The following MCOLN2 variants were observed in gnomAD, a reference collection of about 807,000 sequenced individuals.
MCOLN2 encodes the protein mucolipin TRP cation channel 2.
In MCOLN2, 57 loss-of-function variants were observed where a neutral mutation model predicts 67.5. The ratio of observed to expected loss-of-function variants is 0.84; its 90% CI spans 0.68 to 1.05. The LOEUF (loss-of-function observed/expected upper bound fraction) is 1.05. MCOLN2 is among the 50% of genes least tolerant of loss of function. The pLI is 0.00. For synonymous variants in MCOLN2, 246 were observed against 233.3 expected (o/e 1.05, Z -0.50); for missense variants, 620 against 678.8 (o/e 0.91, Z 0.96).
Position 84,956,426 on chromosome 1 carries a change from A to G in MCOLN2, c.565+5T>C. ...AGGTACATCATGAAATTATCACTGC[A>G]TTACCGAGCTCAACGTCGTTGTCAA... On this transcript the variant is annotated splice_donor_5th_base_variant and intron_variant, in intron 4 of 13. Coordinates refer to ENST00000370608, the MANE Select transcript of MCOLN2 (RefSeq NM_153259.4). The G allele has an allele frequency of 6.2e-7, 1 of 1,610,244 alleles. No individual in the cohort carries two copies. Among genetic ancestry groups the G allele is most frequent in the Non-Finnish European group, 8.5e-7 (1 of 1,178,902 alleles).
chr1:84,987,673 T>C (rs1650685665), intron 1 of MCOLN2, among the ~76,000 whole-genome samples: 1 of 146,594 alleles, frequency 6.8e-6, no homozygotes, highest in South Asian at 2.1e-4. Flanking sequence ...TATATATGTA[T>C]ATAGATATAT....
intron 1 of MCOLN2, among the ~76,000 whole-genome samples, chr1:84,978,314 A>G (rs1279058806): frequency 6.6e-6 from 1 of 152,040 alleles, no homozygotes; most frequent in Non-Finnish European, 1.5e-5. Context: ...CAATCTAATG[A>G]TACATCTTAT....
intron 1 of MCOLN2, among the ~76,000 whole-genome samples, chr1:84,977,027 AACT>A (rs1340127233): frequency 2.0e-5 from 3 of 152,220 alleles, no homozygotes; most frequent in Non-Finnish European, 4.4e-5. Context: ...AAAAAATAAT[AACT>A]ACAACAACTT....
At chr1:84,930,269 T>TAAA (rs560944691) in intron 12 of MCOLN2, among the ~76,000 whole-genome samples, 1 of 143,928 alleles carries the variant, frequency 6.9e-6, no homozygotes, top group African/African-American at 2.5e-5. Context: ...TCTCTTTTTT[T>TAAA]AAAAAAAAAA....
At chr1:84,991,864 A>G (rs751496176) in intron 1 of MCOLN2, among the ~76,000 whole-genome samples, 3 of 152,186 alleles carry the variant, frequency 2.0e-5, no homozygotes, top group African/African-American at 7.2e-5. Context: ...GGGAAACTCC[A>G]TTTCTCAGCA....
At chr1:84,953,419 G>A (rs375836576) in intron 4 of MCOLN2, among the ~76,000 whole-genome samples, 73 of 152,058 alleles carry the variant, frequency 4.8e-4, no homozygotes, top group African/African-American at 1.5e-3. Flanking sequence ...GCGTGGTGGC[G>A]TGCGCCTGTA....
intron 1 of MCOLN2, among the ~76,000 whole-genome samples, chr1:84,994,526 AT>A (rs1343088018): frequency 6.6e-6 from 1 of 152,198 alleles, no homozygotes; most frequent in Non-Finnish European, 1.5e-5. Flanking sequence ...TTGCACTTAC[AT>A]GTTATAGAGA....
chr1:84,987,610 C>A (rs12125153), intron 1 of MCOLN2, among the ~76,000 whole-genome samples: 35 of 82,730 alleles, frequency 4.2e-4, no homozygotes, highest in African/African-American at 8.7e-4. Context: ...AGATGTATAT[C>A]AATCTATATA....
chr1:84,953,876 C>A (rs1208622690), intron 4 of MCOLN2, among the ~76,000 whole-genome samples: 1 of 152,168 alleles, frequency 6.6e-6, no homozygotes, highest in East Asian at 1.9e-4. Context: ...GGTATGAAAC[C>A]AGCATGGGTG....
intron 12 of MCOLN2, among the ~76,000 whole-genome samples, chr1:84,930,585 C>G (rs886773620): frequency 6.6e-6 from 1 of 152,154 alleles, no homozygotes; most frequent in South Asian, 2.1e-4. Context: ...CATGCAAACC[C>G]TGATGCGAGA....
intron 11 of MCOLN2, among the ~76,000 whole-genome samples, chr1:84,935,421 A>C (rs563668973): frequency 6.6e-6 from 1 of 152,284 alleles, no homozygotes; most frequent in South Asian, 2.1e-4. Context: ...CATTAAGTGA[A>C]AGACATAAGT....
intron 11 of MCOLN2, among the ~76,000 whole-genome samples, chr1:84,935,622 A>C (rs1299496267): frequency 1.3e-5 from 2 of 152,220 alleles, no homozygotes; most frequent in Non-Finnish European, 2.9e-5. Flanking sequence ...TTTTGGGTAT[A>C]TTAGGCTTAA....
intron 9 of MCOLN2, among the ~76,000 whole-genome samples, chr1:84,938,600 C>T (rs1008349170): frequency 1.3e-5 from 2 of 152,212 alleles, no homozygotes; most frequent in African/African-American, 2.4e-5. Context: ...ATGCCTAGCT[C>T]ATCACAGAGG....
At chr1:84,987,473 T>C (rs867580654) in intron 1 of MCOLN2, among the ~76,000 whole-genome samples, 697 of 53,720 alleles carry the variant, frequency 0.013, 49 homozygotes, top group Middle Eastern at 0.021. Flanking sequence ...TATATATAGA[T>C]ATATATACAT....
At chr1:84,967,812 G>T (rs1649459284) in intron 1 of MCOLN2, among the ~76,000 whole-genome samples, 1 of 131,862 alleles carries the variant, frequency 7.6e-6, no homozygotes, top group Admixed American at 7.7e-5. Context: ...GGAGGGAGGA[G>T]AGAGAAAGTA....
intron 6 of MCOLN2, 42 bp downstream of exon 6, chr1:84,952,200 GA>G (rs144913618): frequency 1.1e-5 from 16 of 1,405,788 alleles, no homozygotes; most frequent in Non-Finnish European, 1.5e-5. Context: ...AAAAGTGTAG[GA>G]AAAAAATAAA....
chr1:84,941,710 A>T (rs543186989), intron 7 of MCOLN2, among the ~76,000 whole-genome samples: 1 of 152,340 alleles, frequency 6.6e-6, no homozygotes, highest in South Asian at 2.1e-4. Flanking sequence ...AAGAGAACAA[A>T]CAAATTAAAA....
Position 84,925,701 on chromosome 1 carries a change from A to G in MCOLN2, c.*984T>C, listed in dbSNP as rs1385704503. 6.6e-6 allele frequency: 1 copy of G among 152,224 alleles called. No homozygotes were observed. The highest frequency in any genetic ancestry group is 2.4e-5 in the African/African-American group (1 of 41,458). The allele number at this position is 152,224 out of a possible 1,614,324, so 9.4% of individuals were successfully genotyped here. A position where few individuals can be genotyped will look rare whatever the true frequency, so the allele number is the denominator to read the frequency against. On this transcript the variant is annotated 3_prime_UTR_variant, in exon 14 of 14. Transcript: ENST00000370608. ...AAATGAGTGACCGCTGCTACAGGTC[A>G]CTTCCACATGTCATGTGTGTACAAC...
intron 1 of MCOLN2, 138 bp downstream of exon 1, chr1:84,996,658 T>G (rs756806395): frequency 1.2e-4 from 86 of 720,970 alleles, no homozygotes; most frequent in Non-Finnish European, 1.9e-4. Flanking sequence ...CAGCCTAGCC[T>G]TATTTAACTA....
Sources: allele counts gnomAD v4.1 joint callset (sites outside exome capture counted in the v4.1 genomes callset), GRCh38; gene constraint gnomAD v4.1.1; transcripts MANE v1.5; gene names NCBI Gene and HGNC (gene_info 2026-07-23, HGNC 2026-07-21).